Variants in CDK14 observed in about 807,000 individuals in gnomAD.
CDK14 encodes cyclin-dependent kinase 14.
A neutral mutation model predicts 60.7 loss-of-function variants in CDK14; 34 were observed. The ratio of observed to expected loss-of-function variants is 0.56; its 90% CI spans 0.43 to 0.75. The LOEUF is 0.75. Ranked by LOEUF, CDK14 falls within the 30% of genes least tolerant of loss-of-function variation. The pLI, the probability that CDK14 is intolerant of heterozygous loss-of-function variation, is 0.00. For synonymous variants in CDK14, 197 were observed against 203.7 expected (o/e 0.97, Z 0.28); for missense variants, 482 against 564.1 (o/e 0.85, Z 1.47).
intron 10 of CDK14, among the ~76,000 whole-genome samples, chr7:91,012,123 T>C (rs1796178110): frequency 6.6e-6 from 1 of 152,208 alleles, no homozygotes; most frequent in Admixed American, 6.5e-5. Flanking sequence ...GTCTTGCTTT[T>C]AGACTTTGAT....
chr7:90,678,712 A>G (rs1246890985), intron 2 of CDK14, among the ~76,000 whole-genome samples: 1 of 152,098 alleles, frequency 6.6e-6, no homozygotes, highest in African/African-American at 2.4e-5. Context: ...GGTAATCACC[A>G]TATAAACTCA....
At chr7:91,206,097 AT>A (rs745782092) in intron 14 of CDK14, among the ~76,000 whole-genome samples, 32 of 152,172 alleles carry the variant, frequency 2.1e-4, no homozygotes, top group South Asian at 6.2e-4. Flanking sequence ...CCCGGCCACT[AT>A]TTTAATGGTT....
intron 14 of CDK14, among the ~76,000 whole-genome samples, chr7:91,154,957 A>G (rs1437912467): frequency 6.6e-6 from 1 of 152,208 alleles, no homozygotes; most frequent in African/African-American, 2.4e-5. Context: ...CAGTGATGAA[A>G]GTGGCCTCTG....
At chr7:90,734,743 A>G (rs925412585) in intron 3 of CDK14, among the ~76,000 whole-genome samples, 1 of 152,102 alleles carries the variant, frequency 6.6e-6, no homozygotes, top group Non-Finnish European at 1.5e-5. Context: ...GCTTTATTGC[A>G]TTGGGTTAAA....
chr7:90,718,944 G>A (rs1802346889), intron 2 of CDK14, among the ~76,000 whole-genome samples: 1 of 152,114 alleles, frequency 6.6e-6, no homozygotes, highest in East Asian at 1.9e-4. Context: ...TTATAAGGGA[G>A]AAAACTTGTT....
At chr7:90,657,065 A>G (rs970353288) in intron 2 of CDK14, among the ~76,000 whole-genome samples, 5 of 152,156 alleles carry the variant, frequency 3.3e-5, no homozygotes, top group African/African-American at 1.2e-4. Flanking sequence ...ATAGATGAAA[A>G]ATTGATGTCA....
At chr7:90,721,308 A>G (rs1209835737) in intron 2 of CDK14, among the ~76,000 whole-genome samples, 2 of 152,070 alleles carry the variant, frequency 1.3e-5, no homozygotes, top group African/African-American at 4.8e-5. Context: ...CTTAAAATCA[A>G]CCATATTGTA....
At chr7:91,193,152 A>G (rs971134967) in intron 14 of CDK14, among the ~76,000 whole-genome samples, 1 of 152,130 alleles carries the variant, frequency 6.6e-6, no homozygotes, top group Admixed American at 6.6e-5. Flanking sequence ...TTCCTCTGCA[A>G]TATGTTCTAA....
At chr7:91,154,853 G>A (rs1258054589) in intron 14 of CDK14, among the ~76,000 whole-genome samples, 1 of 152,150 alleles carries the variant, frequency 6.6e-6, no homozygotes, top group African/African-American at 2.4e-5. Context: ...TGACAAATCA[G>A]TCATATTTGG....
chr7:90,880,949 G>A lies in CDK14; in HGVS notation c.639+17680G>A, dbSNP rs114721474. ...ACCCCATTCAAGGTTCAGCAGCCTC[G>A]AAGATGAAAACTGGACAAACTCATG... On this transcript the variant is annotated intron_variant, in intron 6 of 14. Transcript: ENST00000380050. Among the ~76,000 whole-genome samples, 860 of 152,208 alleles carry A rather than the reference G, an allele frequency of 5.7e-3. 6 individuals carry two copies. The highest frequency in any genetic ancestry group is 0.019 in the African/African-American group (787 of 41,536).
chr7:90,858,934 T>C (rs1790916668), intron 5 of CDK14, among the ~76,000 whole-genome samples: 1 of 152,236 alleles, frequency 6.6e-6, no homozygotes, highest in Non-Finnish European at 1.5e-5. Flanking sequence ...GTATAGTGAT[T>C]GTTTCTTCAA....
At chr7:91,143,319 A>G (rs1800521228) in intron 14 of CDK14, among the ~76,000 whole-genome samples, 1 of 152,270 alleles carries the variant, frequency 6.6e-6, no homozygotes, top group Admixed American at 6.5e-5. Flanking sequence ...ACCGTTCACT[A>G]TAGCGTCAGA....
chr7:91,152,442 C>T (rs1006810833), intron 14 of CDK14, among the ~76,000 whole-genome samples: 8 of 152,196 alleles, frequency 5.3e-5, no homozygotes, highest in African/African-American at 1.7e-4. Context: ...TAATATTTAT[C>T]TAATTCATTT....
chr7:91,153,603 C>A (rs767145132), intron 14 of CDK14, among the ~76,000 whole-genome samples: 4 of 152,036 alleles, frequency 2.6e-5, no homozygotes, highest in African/African-American at 7.2e-5. Context: ...AGCTGGAGGC[C>A]ATTTTCTCTG....
At chr7:90,686,337 A>C (rs1170115851) in intron 2 of CDK14, among the ~76,000 whole-genome samples, 1 of 152,182 alleles carries the variant, frequency 6.6e-6, no homozygotes, top group East Asian at 1.9e-4. Flanking sequence ...AAGATTTTAC[A>C]GTGCCTCTCA....
chr7:90,709,579 C>T (rs1172550891), intron 2 of CDK14: 24 of 1,613,132 alleles, frequency 1.5e-5, no homozygotes, highest in Non-Finnish European at 2.0e-5. Flanking sequence ...GCTGCAGAGC[C>T]CGGTTACTCT....
chr7:91,186,525 G>A (rs774059062), intron 14 of CDK14, among the ~76,000 whole-genome samples: 2 of 151,524 alleles, frequency 1.3e-5, no homozygotes, highest in Non-Finnish European at 2.9e-5. Context: ...TAGGCCAATT[G>A]GCTCCTAATG....
At chr7:90,808,184 T>C (rs1485890391) in intron 5 of CDK14, among the ~76,000 whole-genome samples, 1 of 151,874 alleles carries the variant, frequency 6.6e-6, no homozygotes, top group Non-Finnish European at 1.5e-5. Context: ...AAAGTTGAAA[T>C]GAAGGAAAAA....
chr7:91,062,745 T>TGTTTCA (rs3039159), intron 11 of CDK14, among the ~76,000 whole-genome samples: 2,060 of 152,230 alleles, frequency 0.014, 40 homozygotes, highest in African/African-American at 0.047. Flanking sequence ...AGGAAAATAC[T>TGTTTCA]GTTTCATGAC....
Sources: gnomAD v4.1 joint callset for allele counts (sites outside exome capture counted in the v4.1 genomes callset) on GRCh38, gnomAD v4.1.1 for gene constraint, MANE v1.5 for transcripts, NCBI Gene and HGNC (gene_info 2026-07-23, HGNC 2026-07-21) for gene names.